The following SLC4A4 variants were observed in gnomAD, a reference collection of about 807,000 sequenced individuals.
SLC4A4 encodes electrogenic sodium bicarbonate cotransporter 1.
Under a neutral mutation model 111.5 loss-of-function variants are expected in SLC4A4, and 27 were observed. The observed-to-expected ratio is 0.24, with a 90% CI of 0.18 to 0.33. The LOEUF (loss-of-function observed/expected upper bound fraction) is 0.33. SLC4A4 is among the 10% of genes least tolerant of loss of function. The pLI, the probability that SLC4A4 is intolerant of heterozygous loss-of-function variation, is 1.00. For missense variants in SLC4A4, 909 were observed against 1,315.5 expected (o/e 0.69, Z 4.78); for synonymous variants, 443 against 463.4 (o/e 0.96, Z 0.57).
intron 2 of SLC4A4, among the ~76,000 whole-genome samples, chr4:71,158,101 G>C (rs961023134): frequency 1.0e-4 from 2 of 19,166 alleles, no homozygotes; most frequent in African/African-American, 1.7e-4. Flanking sequence ...TTGACTCTGT[G>C]TGTGTGTGTG....
At chr4:71,196,834 CAAAAAAAAAAAAAAAAAAAAAAAA>C (rs71212000) in intron 1 of SLC4A4, among the ~76,000 whole-genome samples, 37 of 20,328 alleles carry the variant, frequency 1.8e-3, no homozygotes, top group South Asian at 3.2e-3. Flanking sequence ...ACTCTGTCTC[CAAAAAAAAAAAAAAAAAAAAAAAA>C]AAAAAAAAAA....
chr4:71,319,584 G>A lies in SLC4A4; in HGVS notation c.254-19786G>A, dbSNP rs1024424036. ...ATTCAGTTTTTTCAATCTTTGTATT[G>A]AAAATTTGTTGGTATTACTTCTCAA... On this transcript the variant is annotated intron_variant, in intron 3 of 25. Transcript: ENST00000264485. 3.3e-5 allele frequency among the ~76,000 whole-genome samples: 5 copies of A among 151,988 alleles called. No individual in the cohort carries two copies. In the South Asian group the frequency reaches 1.0e-3, roughly 32 times the overall value.
rs1487240115 is a variant in SLC4A4 at position 71,162,785 on chromosome 4, C to T, written c.-2+69993C>T. Among the ~76,000 whole-genome samples, 10 of 152,110 alleles carry T rather than the reference C, an allele frequency of 6.6e-5. No homozygotes were observed. The East Asian group carries it at 1.9e-3, about 29-fold the overall frequency. On this transcript the variant is annotated intron_variant, in intron 2 of 26. Coordinates refer to the SLC4A4 transcript ENST00000649996. ...TTTACGGCTACCATGTGTGGTCAAA[C>T]TTTTATTACGTAAGGTTAGAGAGAC... is the stretch of plus-strand genomic sequence containing the variant.
intron 7 of SLC4A4, among the ~76,000 whole-genome samples, chr4:71,399,023 A>ATTCT (rs1225890314): frequency 2.6e-5 from 4 of 152,108 alleles, no homozygotes; most frequent in Admixed American, 6.5e-5. Context: ...TGTTGTCATT[A>ATTCT]TTCTCTAAAT....
At chr4:71,279,734 C>G (rs1723358333) in intron 3 of SLC4A4, among the ~76,000 whole-genome samples, 1 of 152,054 alleles carries the variant, frequency 6.6e-6, no homozygotes, top group Non-Finnish European at 1.5e-5. Context: ...ATTTATATTC[C>G]TATTAACAGT....
At chr4:71,534,004 A>T (rs1167338588) in intron 17 of SLC4A4, among the ~76,000 whole-genome samples, 2 of 152,090 alleles carry the variant, frequency 1.3e-5, no homozygotes, top group Admixed American at 1.3e-4. Flanking sequence ...TTATTTTCCA[A>T]CAGCCCATAC....
chr4:71,376,095 G>GTGTA (rs1491222324), intron 6 of SLC4A4, among the ~76,000 whole-genome samples: 2 of 138,762 alleles, frequency 1.4e-5, no homozygotes, highest in African/African-American at 5.4e-5. Flanking sequence ...ACATATATAC[G>GTGTA]TGTGTATATA....
chr4:71,419,021 G>A (rs189301647), intron 7 of SLC4A4, among the ~76,000 whole-genome samples: 82 of 152,242 alleles, frequency 5.4e-4, no homozygotes, highest in African/African-American at 1.9e-3. Flanking sequence ...TTCATGAACC[G>A]CGAATGCAGC....
At chr4:71,149,246 G>A (rs192267385) in intron 2 of SLC4A4, among the ~76,000 whole-genome samples, 5 of 152,038 alleles carry the variant, frequency 3.3e-5, no homozygotes, top group African/African-American at 1.2e-4. Context: ...TGGCATGAAG[G>A]CACTCATTAT....
At position 71,106,365 on chromosome 4, in the gene SLC4A4, C is replaced by T. The variant is rs147214285; in HGVS notation, c.-2+13573C>T. 2.2e-3 allele frequency among the ~76,000 whole-genome samples: 338 copies of T among 150,772 alleles called. 18 individuals are homozygous for T. The East Asian group carries it at 0.058, about 26-fold the overall frequency. ...TCAACCGTTGTGGAAGTCAGTGTGG[C>T]GACTCCTCAGGGATCTAGAACTAGA... On this transcript the variant is annotated intron_variant, in intron 2 of 26. Transcript: ENST00000649996.
At chr4:71,509,129 A>G (rs1385980986) in intron 16 of SLC4A4, among the ~76,000 whole-genome samples, 1 of 152,236 alleles carries the variant, frequency 6.6e-6, no homozygotes, top group Non-Finnish European at 1.5e-5. Context: ...ATGTATGACA[A>G]ACCCACAGCC....
chr4:71,443,379 A>T (rs934894157), intron 8 of SLC4A4, among the ~76,000 whole-genome samples: 2 of 151,504 alleles, frequency 1.3e-5, no homozygotes, highest in African/African-American at 4.9e-5. Context: ...CAAACTCCTG[A>T]CCTCAAGTAA....
intron 2 of SLC4A4, among the ~76,000 whole-genome samples, chr4:71,109,111 A>G (rs902640046): frequency 1.3e-5 from 2 of 152,022 alleles, no homozygotes; most frequent in Non-Finnish European, 2.9e-5. Flanking sequence ...GTCTCTGAAA[A>G]TCAGATTCTC....
Position 71,195,370 on chromosome 4 carries a change from A to G in SLC4A4, c.-2+7969A>G, listed in dbSNP as rs528961421. Among the ~76,000 whole-genome samples the G allele has an allele frequency of 8.6e-5, 13 of 151,904 alleles. No individual in the cohort carries two copies. The East Asian group carries it at 2.5e-3, about 29-fold the overall frequency. ...ACTTCAGAATAACATAAGTCAGTCT[A>G]CATTTTATAAGGACGTTTACATATT... On this transcript the variant is annotated intron_variant, in intron 1 of 25. Coordinates refer to ENST00000264485, the MANE Select transcript of SLC4A4 (RefSeq NM_001098484.3).
At chr4:71,188,103 T>G (rs1745572809) in intron 1 of SLC4A4, among the ~76,000 whole-genome samples, 1 of 152,204 alleles carries the variant, frequency 6.6e-6, no homozygotes, top group Non-Finnish European at 1.5e-5. Context: ...TGATTTCTTT[T>G]TTCTTAAGTG....
At position 71,081,748 on chromosome 4, in the gene SLC4A4, C is replaced by A. The variant is rs115043967; in HGVS notation, c.-64-10982C>A. 3.2e-3 allele frequency among the ~76,000 whole-genome samples: 483 copies of A among 152,088 alleles called. 6 individuals carry two copies. Among genetic ancestry groups the A allele is most frequent in the African/African-American group, 0.011 (439 of 41,394 alleles). ...TGTCTTCGAACCCGGGAATCTAGGA[C>A]TTTGCTACCACCGGCTCCTTCTCAT... On this transcript the variant is annotated intron_variant, in intron 1 of 26. Transcript: ENST00000649996.
At chr4:71,443,891 A>G (rs1254320857) in intron 8 of SLC4A4, among the ~76,000 whole-genome samples, 1 of 152,170 alleles carries the variant, frequency 6.6e-6, no homozygotes, top group African/African-American at 2.4e-5. Context: ...TGCTAGTTCA[A>G]TTTTGTCACA....
At chr4:71,362,625 C>T (rs1285784493) in intron 6 of SLC4A4, among the ~76,000 whole-genome samples, 2 of 152,174 alleles carry the variant, frequency 1.3e-5, no homozygotes, top group Non-Finnish European at 2.9e-5. Context: ...TTAAGTGATA[C>T]CAATAGTCTT....
At chr4:71,507,119 C>G (rs1252763797) in intron 16 of SLC4A4, among the ~76,000 whole-genome samples, 1 of 152,096 alleles carries the variant, frequency 6.6e-6, no homozygotes, top group Non-Finnish European at 1.5e-5. Flanking sequence ...AGGAGAAACC[C>G]TTACCAGCCA....
Sources: allele counts gnomAD v4.1 joint callset (sites outside exome capture counted in the v4.1 genomes callset), GRCh38; gene constraint gnomAD v4.1.1; transcripts MANE v1.5; gene names NCBI Gene and HGNC (gene_info 2026-07-23, HGNC 2026-07-21).